The following DOCK3 variants were observed in gnomAD, a reference collection of about 807,000 sequenced individuals.
DOCK3 encodes dedicator of cytokinesis protein 3.
A neutral mutation model predicts 265.6 loss-of-function variants in DOCK3; 60 were observed. The ratio of observed to expected loss-of-function variants is 0.23; its 90% CI spans 0.18 to 0.28. The LOEUF (loss-of-function observed/expected upper bound fraction) is 0.28. Ranked by LOEUF, DOCK3 falls within the 10% of genes least tolerant of loss-of-function variation. DOCK3 has a pLI of 1.00. For synonymous variants in DOCK3, 881 were observed against 938.0 expected, an observed-to-expected ratio of 0.94 and a Z score of 1.11; for missense variants, 1,981 against 2,594.3, an observed-to-expected ratio of 0.76 and a Z score of 5.14.
At chr3:50,908,898 T>C (rs1355335400) in intron 4 of DOCK3, among the ~76,000 whole-genome samples, 1 of 152,126 alleles carries the variant, frequency 6.6e-6, no homozygotes, top group Non-Finnish European at 1.5e-5. Flanking sequence ...TGGGTGCTGC[T>C]CTATTGGGTG....
At chr3:50,893,205 GA>G in intron 4 of DOCK3, 1 of 253,762 alleles carries the variant, frequency 3.9e-6, no homozygotes, top group Non-Finnish European at 7.7e-6. Context: ...CAAGGAAGAT[GA>G]AGGATCGGGA....
chr3:50,684,795 T>C (rs1394835400), intron 1 of DOCK3, among the ~76,000 whole-genome samples: 1 of 152,242 alleles, frequency 6.6e-6, no homozygotes, highest in Non-Finnish European at 1.5e-5. Flanking sequence ...CTGTTAGAAT[T>C]TTTTCTAAAA....
chr3:51,006,379 G>A (rs1559925638), intron 5 of DOCK3, among the ~76,000 whole-genome samples: 1 of 151,058 alleles, frequency 6.6e-6, no homozygotes, highest in African/African-American at 2.4e-5. Flanking sequence ...ATTGTTTTGT[G>A]TATTGCTTAC....
chr3:51,104,325 G>A (rs1279803394), intron 9 of DOCK3, among the ~76,000 whole-genome samples: 2 of 152,190 alleles, frequency 1.3e-5, no homozygotes, highest in Admixed American at 1.3e-4. Context: ...GAGTGGTAGA[G>A]AACTGTGGGG....
intron 12 of DOCK3, among the ~76,000 whole-genome samples, chr3:51,194,558 A>G (rs1376373733): frequency 6.6e-6 from 1 of 152,086 alleles, no homozygotes; most frequent in Non-Finnish European, 1.5e-5. Flanking sequence ...AGCTTTAATG[A>G]TATTTTCTTT....
chr3:51,325,433 G>C (rs1013206025), intron 32 of DOCK3, among the ~76,000 whole-genome samples: 5 of 152,214 alleles, frequency 3.3e-5, no homozygotes, highest in African/African-American at 1.2e-4. Context: ...AGAGGATGTG[G>C]AGAAATAGGA....
intron 5 of DOCK3, among the ~76,000 whole-genome samples, chr3:50,963,665 T>C (rs913642979): frequency 4.6e-5 from 7 of 152,128 alleles, no homozygotes; most frequent in African/African-American, 1.7e-4. Context: ...TTAAAGAAAC[T>C]GGACATCAAG....
chr3:51,210,690 A>G (rs1430648068), intron 13 of DOCK3, among the ~76,000 whole-genome samples: 1 of 152,166 alleles, frequency 6.6e-6, no homozygotes, highest in Non-Finnish European at 1.5e-5. Flanking sequence ...TCAGGTCTTT[A>G]TTAGTCTGCT....
intron 3 of DOCK3, among the ~76,000 whole-genome samples, chr3:50,847,991 G>A (rs1467009705): frequency 1.3e-5 from 2 of 151,640 alleles, no homozygotes; most frequent in African/African-American, 4.8e-5. Flanking sequence ...ATTGTTGGGT[G>A]CCTATGTATT....
intron 9 of DOCK3, among the ~76,000 whole-genome samples, chr3:51,100,924 A>T (rs1451983689): frequency 1.3e-5 from 2 of 151,394 alleles, no homozygotes; most frequent in Non-Finnish European, 2.9e-5. Context: ...CCTGCTGAAT[A>T]GCTTGGACTA....
chr3:51,349,293 C>T (rs914044400), intron 39 of DOCK3, among the ~76,000 whole-genome samples: 20 of 152,240 alleles, frequency 1.3e-4, no homozygotes, highest in African/African-American at 4.8e-4. Flanking sequence ...AGAGCTTTCC[C>T]CACTTTGCTT....
rs869046567 is a variant in DOCK3, at chr3:50,889,066, G to GGGGT, written c.163-959_163-958insGGTG. Among the ~76,000 whole-genome samples the GGGGT allele has an allele frequency of 4.4e-3, 585 of 134,262 alleles. 6 individuals carry two copies. The highest frequency in any genetic ancestry group is 0.014 in the African/African-American group (496 of 36,222). The allele number at this position is 134,262 out of a possible 152,430, so 88.1% of individuals were successfully genotyped here. On this transcript the variant is annotated intron_variant, in intron 3 of 52. Transcript: ENST00000266037. ...GAGTATAAAATATATTTAAGCCATG[G>GGGGT]GTGTGTGTGTGTGTGTGTGTGTGTG... is the stretch of plus-strand genomic sequence containing the variant.
chr3:51,212,499 C>A (rs1408848051), intron 13 of DOCK3, among the ~76,000 whole-genome samples: 1 of 151,420 alleles, frequency 6.6e-6, no homozygotes, highest in Non-Finnish European at 1.5e-5. Context: ...ACTTTCATCC[C>A]CAGCTATTTG....
chr3:51,133,071 G>A (rs78636331), intron 9 of DOCK3, among the ~76,000 whole-genome samples: 3,740 of 152,246 alleles, frequency 0.025, 181 homozygotes, highest in African/African-American at 0.086. Flanking sequence ...TTATAGAGCT[G>A]TAACTAGACT....
chr3:51,075,320 A>G (rs758436551), intron 6 of DOCK3, 36 bp from the exon 7 acceptor site: 3 of 1,553,840 alleles, frequency 1.9e-6, no homozygotes, highest in Non-Finnish European at 2.6e-6. Flanking sequence ...TAATCTGAGT[A>G]CATGGCATAC....
rs79881298 is a variant in DOCK3, at chr3:50,958,218, C to T, written c.315+24141C>T. Among the ~76,000 whole-genome samples, 11 of 152,326 alleles carry T rather than the reference C, an allele frequency of 7.2e-5. 1 individual carries two copies. In the East Asian group the frequency reaches 9.6e-4, roughly 13 times the overall value. ...TTATGTTATTCCTCTGCTCAGAAGT[C>T]GTCCTTGACTGGGGTTGTCTTCTGC... is the stretch of plus-strand genomic sequence containing the variant. On this transcript the variant is annotated intron_variant, in intron 5 of 52. Transcript: ENST00000266037.
chr3:51,228,890 A>G (rs2090437508), intron 18 of DOCK3, 58 bp downstream of exon 18: 2 of 1,548,508 alleles, frequency 1.3e-6, no homozygotes, highest in Non-Finnish European at 8.8e-7. Context: ...TTCACTCCAC[A>G]CTACTAGCGC....
chr3:50,875,324 G>A (rs1194832510), intron 3 of DOCK3, among the ~76,000 whole-genome samples: 1 of 152,148 alleles, frequency 6.6e-6, no homozygotes, highest in East Asian at 1.9e-4. Flanking sequence ...GCTAAGACTT[G>A]TAGTACTATG....
chr3:51,237,981 G>T (rs1301241728), intron 21 of DOCK3, among the ~76,000 whole-genome samples: 4 of 151,802 alleles, frequency 2.6e-5, no homozygotes. Flanking sequence ...TCATGTAAGT[G>T]TAATCACAAT....
Sources: allele counts gnomAD v4.1 joint callset (sites outside exome capture counted in the v4.1 genomes callset), GRCh38; gene constraint gnomAD v4.1.1; transcripts MANE v1.5; gene names NCBI Gene and HGNC (gene_info 2026-07-23, HGNC 2026-07-21).